Variants in PHLDB1 observed in about 807,000 individuals in gnomAD.
PHLDB1 encodes the protein pleckstrin homology like domain family B member 1, also known as pleckstrin homology-like domain family B member 1.
In PHLDB1, 65 loss-of-function variants were observed where a neutral mutation model predicts 139.3. The ratio of observed to expected loss-of-function variants is 0.47; its 90% CI spans 0.38 to 0.57. The LOEUF (loss-of-function observed/expected upper bound fraction) is 0.57. Among genes scored for constraint, PHLDB1 ranks in the 20% least tolerant of loss-of-function variants. The pLI, the probability that PHLDB1 is intolerant of heterozygous loss-of-function variation, is 0.00. For missense variants in PHLDB1, 1,624 were observed against 1,839.7 expected (o/e 0.88, Z 2.14); for synonymous variants, 679 against 734.5 (o/e 0.92, Z 1.22).
At chr11:118,641,857 C>T (rs56994706) in intron 12 of PHLDB1, 1 of 1,184,948 alleles carries the variant, frequency 8.4e-7, no homozygotes, top group Non-Finnish European at 1.1e-6. Context: ...CTCCTGCTCA[C>T]CTGGCCTCTT....
In PHLDB1 at chr11:118,657,950, T is replaced by G; in HGVS notation, c.*1127T>G. On this transcript the variant is annotated 3_prime_UTR_variant, in exon 23 of 23. Coordinates refer to ENST00000600882, the MANE Select transcript of PHLDB1 (RefSeq NM_001144758.3). ...GCTCTCCTTCCCAGCATTGAGCCCT[T>G]GGTTGCCTGGGCCCAGGCTGGGGGT... The G allele has an allele frequency of 9.7e-5, 24 of 246,594 alleles. No homozygotes were observed. Among genetic ancestry groups the G allele is most frequent in the East Asian group, 2.6e-4 (3 of 11,698 alleles). The allele number at this position is 246,594 out of a possible 1,614,324, so 15.3% of individuals were successfully genotyped here. A position where few individuals can be genotyped will look rare whatever the true frequency, so the allele number is the denominator to read the frequency against.
chr11:118,629,988 G>T, intron 6 of PHLDB1: 1 of 1,284,698 alleles, frequency 7.8e-7, no homozygotes, highest in Non-Finnish European at 1.0e-6. Flanking sequence ...CAGGGGTGGA[G>T]GCACTGGCCC....
chr11:118,645,612 C>CG lies in PHLDB1; in HGVS notation c.3383dup (p.Asn1129GlnfsTer7). 6.2e-7 allele frequency: 1 copy of CG among 1,613,236 alleles called. No individual in the cohort carries two copies. Among genetic ancestry groups the CG allele is most frequent in the Non-Finnish European group, 8.5e-7 (1 of 1,179,372 alleles). ...ACAGCATGGAGACCAGCATCTCCAC[C>CG]GGGGGCAACTCGGCCTGCTCCCCTG... On this transcript the variant is annotated frameshift_variant, in exon 16 of 23. Coordinates refer to ENST00000600882, the MANE Select transcript of PHLDB1 (RefSeq NM_001144758.3). LOFTEE classifies it high-confidence loss of function. The surrounding 1 kb of genome is among the most constrained non-coding windows in gnomAD (Gnocchi z 5.1).
At chr11:118,656,027 G>A in intron 22 of PHLDB1, 135 bp downstream of exon 22, 2 of 709,454 alleles carry the variant, frequency 2.8e-6, no homozygotes, top group Non-Finnish European at 5.0e-6. Flanking sequence ...GTTGCAAAGA[G>A]CAAGAAGCTC....
Position 118,650,096 on chromosome 11 carries a change from A to G in PHLDB1, c.3674A>G (p.Tyr1225Cys). 2 of 1,614,054 alleles carry G rather than the reference A, an allele frequency of 1.2e-6. No individual in the cohort carries two copies. Among genetic ancestry groups the G allele is most frequent in the Non-Finnish European group, 1.7e-6 (2 of 1,179,924 alleles). Reference sequence around the variant, plus strand: ...TCCCAGGCACGACCCCTGACCCGCTACCTGCCAATCCGGAAGGAGGACTTT... The same window carrying G: ...TCCCAGGCACGACCCCTGACCCGCTGCCTGCCAATCCGGAAGGAGGACTTT... ...QFSQARPLTRYLPIRKEDFDL... is the reference protein window; with the variant it reads ...QFSQARPLTRCLPIRKEDFDL... The change falls in exon 19 of 23, where the codon TAC (tyrosine) becomes TGC (cysteine). Residue 1225 changes from tyrosine (Y) to cysteine (C), a missense_variant. Tyr to Cys is a radical substitution (Grantham distance 194). Transcript: ENST00000600882. The surrounding 1 kb of genome is among the most constrained non-coding windows in gnomAD (Gnocchi z 4.7).
At chr11:118,617,326 T>C (rs1452206538) in intron 4 of PHLDB1, among the ~76,000 whole-genome samples, 1 of 152,114 alleles carries the variant, frequency 6.6e-6, no homozygotes, top group Non-Finnish European at 1.5e-5. Context: ...TCTGGCATTG[T>C]TTTCTGGGGG....
chr11:118,609,912 TC>T (rs1555082242), intron 1 of PHLDB1, among the ~76,000 whole-genome samples: 1 of 151,318 alleles, frequency 6.6e-6, no homozygotes, highest in African/African-American at 2.4e-5. Flanking sequence ...CCTCGCTCCA[TC>T]CGCGCTCTCC....
At chr11:118,615,839 CAG>C (rs1941520925) in intron 3 of PHLDB1, among the ~76,000 whole-genome samples, 200 bp from the exon 4 acceptor site, 1 of 152,212 alleles carries the variant, frequency 6.6e-6, no homozygotes, top group Admixed American at 6.5e-5. Flanking sequence ...CATTCTCAGG[CAG>C]AGTTTTCTCT....
chr11:118,643,706 A>G lies in PHLDB1; in HGVS notation c.2878-94A>G, dbSNP rs1174113120. ...CAGAAGGCCTCAGAGGCCTAGTGCCAGGGCGGTACGTCAGATCACAGCAGA... is the reference window on the plus strand; with the variant it reads ...CAGAAGGCCTCAGAGGCCTAGTGCCGGGGCGGTACGTCAGATCACAGCAGA... On this transcript the variant is annotated intron_variant, in intron 13 of 22. Transcript: ENST00000600882. 4 of 1,600,556 alleles carry G rather than the reference A, an allele frequency of 2.5e-6. No homozygotes were observed. In the Admixed American group the frequency reaches 5.1e-5, roughly 20 times the overall value.
chr11:118,650,258 C>T lies in PHLDB1; in HGVS notation c.3771+65C>T, dbSNP rs1172885619. 2.8e-5 allele frequency: 36 copies of T among 1,277,788 alleles called. No homozygotes were observed. The East Asian group carries it at 8.1e-4, about 29-fold the overall frequency. 79.2% of individuals were successfully genotyped at this position (1,277,788 alleles called of 1,614,324 possible). A position where few individuals can be genotyped will look rare whatever the true frequency, so the allele number is the denominator to read the frequency against. On this transcript the variant is annotated intron_variant, in intron 19 of 22. Coordinates refer to ENST00000600882, the MANE Select transcript of PHLDB1 (RefSeq NM_001144758.3). This position sits in a 1 kb window ranked among gnomAD's most constrained non-coding sequence, Gnocchi z 4.7. ...AGAATCCCGTGGTGAGAGGCACCTC[C>T]TGGGTCGTTGGAATAGTGGCGTCAG...
intron 4 of PHLDB1, among the ~76,000 whole-genome samples, chr11:118,619,810 G>A (rs1247548117): frequency 6.6e-6 from 1 of 152,218 alleles, no homozygotes; most frequent in Non-Finnish European, 1.5e-5. Context: ...GGGCTAGTGG[G>A]CTGTTTAGCA....
At chr11:118,648,518 C>T (rs1947906903) in intron 18 of PHLDB1, among the ~76,000 whole-genome samples, 1 of 152,084 alleles carries the variant, frequency 6.6e-6, no homozygotes, top group South Asian at 2.1e-4. Flanking sequence ...GTCTGCTTCC[C>T]CTGCTGCCCC....
At chr11:118,636,776 C>G (rs1945726182) in intron 10 of PHLDB1, 1 of 152,216 alleles carries the variant, frequency 6.6e-6, no homozygotes, top group African/African-American at 2.4e-5. Flanking sequence ...CTTCTCTAGC[C>G]TCTTCCTCTT....
intron 4 of PHLDB1, among the ~76,000 whole-genome samples, chr11:118,622,504 G>A (rs1943029317): frequency 6.6e-6 from 1 of 152,222 alleles, no homozygotes; most frequent in East Asian, 1.9e-4. Flanking sequence ...TGCCGGGGAG[G>A]GTGAAGGGCT....
chr11:118,609,221 C>T (rs548201945), intron 1 of PHLDB1, among the ~76,000 whole-genome samples: 93 of 149,036 alleles, frequency 6.2e-4, no homozygotes, highest in South Asian at 2.2e-3. Context: ...ACACACACAG[C>T]CCAGCTCACA....
At chr11:118,607,014 G>A (rs138956001), upstream of PHLDB1, among the ~76,000 whole-genome samples, 2 of 152,116 alleles carry the variant, frequency 1.3e-5, no homozygotes, top group Non-Finnish European at 1.5e-5. Context: ...CCTGATGTGC[G>A]TGGCTATCAA....
At chr11:118,624,602 T>TC (rs1943504386) in intron 4 of PHLDB1, 1 of 142,164 alleles carries the variant, frequency 7.0e-6, no homozygotes, top group Admixed American at 7.1e-5. Context: ...TTTTTTTTTT[T>TC]TTTTTTTTTT....
chr11:118,624,756 TCCA>T, intron 4 of PHLDB1, 175 bp from the exon 5 acceptor site: 1 of 588,666 alleles, frequency 1.7e-6, no homozygotes, highest in South Asian at 1.9e-5. Flanking sequence ...ATTACAGGCG[TCCA>T]CCACCACACC....
chr11:118,624,751 AG>A (rs1555099105), intron 4 of PHLDB1, 182 bp from the exon 5 acceptor site: 8 of 575,538 alleles, frequency 1.4e-5, no homozygotes, highest in Non-Finnish European at 2.2e-5. Flanking sequence ...ATGGGATTAC[AG>A]GCGTCCACCA....
Sources: allele counts gnomAD v4.1 joint callset (sites outside exome capture counted in the v4.1 genomes callset), GRCh38; gene constraint gnomAD v4.1.1; non-coding constraint Gnocchi (gnomAD v3.1); transcripts MANE v1.5; gene names NCBI Gene and HGNC (gene_info 2026-07-23, HGNC 2026-07-21).